The following PTPRD variants were observed in gnomAD, a reference collection of about 807,000 sequenced individuals.
PTPRD encodes receptor-type tyrosine-protein phosphatase delta.
Under a neutral mutation model 214.5 loss-of-function variants are expected in PTPRD, and 34 were observed. The observed-to-expected ratio is 0.16, with a 90% CI of 0.12 to 0.21. The LOEUF (loss-of-function observed/expected upper bound fraction) is 0.21, where lower values mean the gene tolerates loss of function less well. PTPRD is among the 10% of genes least tolerant of loss of function. The probability of loss-of-function intolerance (pLI) is 1.00; values close to 1 mark genes in which losing one functional copy is unlikely to be tolerated. For missense variants in PTPRD, 2,545 were observed against 2,398.7 expected, an observed-to-expected ratio of 1.06 and a Z score of -1.27; for synonymous variants, 1,128 against 845.7, an observed-to-expected ratio of 1.33 and a Z score of -5.79.
chr9:9,324,203 G>A (rs10977662), intron 9 of PTPRD, among the ~76,000 whole-genome samples: 17,841 of 152,026 alleles, frequency 0.12, 1,315 homozygotes, highest in Non-Finnish European at 0.16. Context: ...GGGTATACAC[G>A]CAGTAATGGG....
At chr9:9,201,527 G>A (rs1231549891) in intron 9 of PTPRD, among the ~76,000 whole-genome samples, 1 of 151,650 alleles carries the variant, frequency 6.6e-6, no homozygotes, top group Admixed American at 6.6e-5. Context: ...ACATACATGG[G>A]GAATAGAGTA....
intron 9 of PTPRD, among the ~76,000 whole-genome samples, chr9:9,322,146 T>G (rs1966844934): frequency 6.6e-6 from 1 of 152,182 alleles, no homozygotes; most frequent in Admixed American, 6.6e-5. Context: ...GCTTTTGAGT[T>G]AAATCAACAA....
chr9:8,633,515 TA>T, intron 13 of PTPRD, 57 bp from the exon 14 acceptor site: 1 of 1,590,380 alleles, frequency 6.3e-7, no homozygotes, highest in South Asian at 1.1e-5. Context: ...ACCTCTCAGC[TA>T]AAGCTCTCAA....
chr9:8,427,466 C>G (rs188815651), intron 35 of PTPRD, among the ~76,000 whole-genome samples: 1 of 152,230 alleles, frequency 6.6e-6, no homozygotes, highest in East Asian at 1.9e-4. Context: ...TGGTTAATCA[C>G]CTGCTGTGTG....
chr9:9,243,033 T>A (rs1405597643), intron 9 of PTPRD, among the ~76,000 whole-genome samples: 1 of 152,156 alleles, frequency 6.6e-6, no homozygotes, highest in East Asian at 1.9e-4. Context: ...TGGATATCCC[T>A]TCTGTTTGTT....
At chr9:9,161,117 T>C (rs891684022) in intron 10 of PTPRD, among the ~76,000 whole-genome samples, 1 of 152,122 alleles carries the variant, frequency 6.6e-6, no homozygotes, top group Non-Finnish European at 1.5e-5. Flanking sequence ...GAGGAATATA[T>C]TAAGCTCTAT....
At chr9:8,329,029 G>C (rs1836927302) in intron 44 of PTPRD, among the ~76,000 whole-genome samples, 1 of 152,072 alleles carries the variant, frequency 6.6e-6, no homozygotes, top group Non-Finnish European at 1.5e-5. Flanking sequence ...GCTGACATCT[G>C]TCAATTTATC....
rs553291506 is a variant in PTPRD at position 9,852,862 on chromosome 9, T to C, written c.-368+85645A>G. 5.3e-5 allele frequency among the ~76,000 whole-genome samples: 8 copies of C among 152,140 alleles called. No homozygotes were observed. The South Asian group carries it at 1.0e-3, about 20-fold the overall frequency. On this transcript the variant is annotated intron_variant, in intron 5 of 45. Coordinates refer to ENST00000381196, the MANE Select transcript of PTPRD (RefSeq NM_002839.4). ...GTGGTTTCTCTAATCACATAAGATA[T>C]GCATAAATCTACACAATAGCAGATC...
At chr9:8,619,780 C>G (rs1373457460) in intron 14 of PTPRD, among the ~76,000 whole-genome samples, 1 of 151,902 alleles carries the variant, frequency 6.6e-6, no homozygotes, top group Non-Finnish European at 1.5e-5. Context: ...CATCTTCATC[C>G]TTTTCCTAGA....
At chr9:8,868,943 A>G (rs1750733955) in intron 11 of PTPRD, among the ~76,000 whole-genome samples, 1 of 152,176 alleles carries the variant, frequency 6.6e-6, no homozygotes, top group Non-Finnish European at 1.5e-5. Flanking sequence ...TTTTATCCAA[A>G]TACAATACAA....
At chr9:8,362,448 G>A (rs7852200) in intron 39 of PTPRD, among the ~76,000 whole-genome samples, 2 of 152,202 alleles carry the variant, frequency 1.3e-5, no homozygotes, top group East Asian at 1.9e-4. Context: ...GATTGTAGAG[G>A]AGGATTTTTG....
At chr9:9,964,521 A>G (rs1566782780) in intron 4 of PTPRD, among the ~76,000 whole-genome samples, 1 of 152,138 alleles carries the variant, frequency 6.6e-6, no homozygotes, top group Non-Finnish European at 1.5e-5. Flanking sequence ...AGAAAATTTT[A>G]CCTTAATTAT....
rs537058929 is a variant in PTPRD at position 10,555,185 on chromosome 9, T to C, written c.-600+57213A>G. ...CACTGCAACCTAAAATATCTAAAAA[T>C]GACCTGATTCCAAATCCTATATTAT... On this transcript the variant is annotated intron_variant, in intron 2 of 45. Coordinates refer to ENST00000381196, the MANE Select transcript of PTPRD (RefSeq NM_002839.4). Among the ~76,000 whole-genome samples the C allele has an allele frequency of 2.6e-5, 4 of 152,298 alleles. No individual in the cohort carries two copies. In the South Asian group the frequency reaches 6.2e-4, roughly 24 times the overall value.
chr9:10,076,692 G>C (rs1321183627), intron 3 of PTPRD, among the ~76,000 whole-genome samples: 1 of 152,112 alleles, frequency 6.6e-6, no homozygotes, highest in Admixed American at 6.6e-5. Context: ...CCTTAAAACT[G>C]AGCATGCCCC....
intron 5 of PTPRD, among the ~76,000 whole-genome samples, chr9:9,768,547 C>T (rs10816177): frequency 6.6e-6 from 1 of 151,918 alleles, no homozygotes; most frequent in Non-Finnish European, 1.5e-5. Context: ...AATTTTACAT[C>T]AGAGAAATCA....
chr9:10,351,847 G>C (rs2097188880), intron 2 of PTPRD, among the ~76,000 whole-genome samples: 1 of 151,958 alleles, frequency 6.6e-6, no homozygotes, highest in Non-Finnish European at 1.5e-5. Context: ...CCCAAATGAT[G>C]GTACTTTGAT....
At chr9:9,622,282 C>T (rs1268221848) in intron 7 of PTPRD, among the ~76,000 whole-genome samples, 1 of 152,092 alleles carries the variant, frequency 6.6e-6, no homozygotes, top group Non-Finnish European at 1.5e-5. Context: ...TCTGCTTTTC[C>T]TATTTTCTCA....
At chr9:9,354,741 G>A (rs145463282) in intron 9 of PTPRD, among the ~76,000 whole-genome samples, 3 of 151,770 alleles carry the variant, frequency 2.0e-5, no homozygotes, top group Admixed American at 6.6e-5. Context: ...CAAGGGATTA[G>A]GTAAGTAAGA....
intron 33 of PTPRD, among the ~76,000 whole-genome samples, chr9:8,452,330 A>G (rs1435972143): frequency 6.6e-6 from 1 of 152,234 alleles, no homozygotes; most frequent in Admixed American, 6.5e-5. Context: ...ATGTGCTAGA[A>G]TGATTGTTTT....
Sources: gnomAD v4.1 joint callset for allele counts (sites outside exome capture counted in the v4.1 genomes callset) on GRCh38, gnomAD v4.1.1 for gene constraint, MANE v1.5 for transcripts, NCBI Gene and HGNC (gene_info 2026-07-23, HGNC 2026-07-21) for gene names.